Variants in LRRN3 observed in about 807,000 individuals in gnomAD.
The protein encoded by LRRN3 is leucine-rich repeat neuronal protein 3.
In LRRN3, 15 loss-of-function variants were observed where a neutral mutation model predicts 40.1. The ratio of observed to expected loss-of-function variants is 0.37; its 90% confidence interval spans 0.25 to 0.58. The LOEUF is 0.58. LRRN3 is among the 20% of genes least tolerant of loss of function. LRRN3 has a pLI of 0.72. For missense variants in LRRN3, 746 were observed against 837.7 expected, an observed-to-expected ratio of 0.89 and a Z score of 1.35; for synonymous variants, 308 against 297.2, an observed-to-expected ratio of 1.04 and a Z score of -0.37.
intron 2 of LRRN3, among the ~76,000 whole-genome samples, chr7:111,104,623 C>A (rs1052633676): frequency 6.6e-6 from 1 of 151,674 alleles, no homozygotes; most frequent in Non-Finnish European, 1.5e-5. Context: ...CCTATCTAGT[C>A]TTTTTGATTC....
In LRRN3 at chr7:111,125,219, T is replaced by G; in HGVS notation, c.*320T>G. On this transcript the variant is annotated 3_prime_UTR_variant, in exon 3 of 3. Coordinates refer to ENST00000308478, the MANE Select transcript of LRRN3 (RefSeq NM_001099658.2). Reference sequence around the variant, plus strand: ...CATTTCTGTATTTTTTTTAAGTAAATAAGAGTAGTTGAACTGAGCAATACC... The same window carrying G: ...CATTTCTGTATTTTTTTTAAGTAAAGAAGAGTAGTTGAACTGAGCAATACC... 1 of 236,820 alleles carries G rather than the reference T, an allele frequency of 4.2e-6. No individual in the cohort carries two copies. The highest frequency in any genetic ancestry group is 8.8e-6 in the Non-Finnish European group (1 of 113,176). The allele number at this position is 236,820 out of a possible 1,614,324, so 14.7% of individuals were successfully genotyped here.
At position 111,123,309 on chromosome 7, in the gene LRRN3, C is replaced by A. The variant is rs1039189238; in HGVS notation, c.537C>A (p.Ile179=). The part of the protein sequence containing the change: ...LHLNSNRLQM[I]NSKWFDALPN... ...TCAATTCAAATAGATTGCAGATGAT[C>A]AACAGTAAGTGGTTTGATGCTCTTC... The change falls in exon 3 of 3, where the codon ATC becomes ATA. Residue 179 remains isoleucine (I), a synonymous_variant. Transcript: ENST00000308478. The surrounding 1 kb of genome is among the most constrained non-coding windows in gnomAD (Gnocchi z 6.4). The A allele has an allele frequency of 1.7e-5, 28 of 1,613,614 alleles. No individual in the cohort carries two copies. The highest frequency in any genetic ancestry group is 2.3e-5 in the Non-Finnish European group (27 of 1,179,890).
At chr7:111,115,165 T>C (rs1799726083) in intron 2 of LRRN3, among the ~76,000 whole-genome samples, 1 of 152,096 alleles carries the variant, frequency 6.6e-6, no homozygotes, top group African/African-American at 2.4e-5. Flanking sequence ...AAAAGGCAAA[T>C]CAGGCAATCA....
chr7:111,112,858 A>ACCCCC (rs1364322007), intron 2 of LRRN3, among the ~76,000 whole-genome samples: 3 of 152,170 alleles, frequency 2.0e-5, no homozygotes, highest in Non-Finnish European at 2.9e-5. Flanking sequence ...ACCCCAGCAC[A>ACCCCC]CCCGAAAATG....
intron 2 of LRRN3, among the ~76,000 whole-genome samples, chr7:111,116,735 T>G (rs1161758003): frequency 6.6e-6 from 1 of 152,184 alleles, no homozygotes; most frequent in African/African-American, 2.4e-5. Flanking sequence ...CCTTATAATT[T>G]CATCTGAGTG....
At chr7:111,104,265 T>C (rs956599659) in intron 2 of LRRN3, among the ~76,000 whole-genome samples, 1 of 151,716 alleles carries the variant, frequency 6.6e-6, no homozygotes, top group Non-Finnish European at 1.5e-5. Flanking sequence ...AGTCATATGA[T>C]TTTCCTTCTC....
At chr7:111,096,438 T>G (rs141112682) in intron 1 of LRRN3, among the ~76,000 whole-genome samples, 2 of 151,696 alleles carry the variant, frequency 1.3e-5, no homozygotes, top group Non-Finnish European at 2.9e-5. Flanking sequence ...TATATCTGGA[T>G]AGATTCTTGC....
chr7:111,111,472 C>T (rs1178076382), intron 2 of LRRN3, among the ~76,000 whole-genome samples: 2 of 150,586 alleles, frequency 1.3e-5, no homozygotes, highest in Non-Finnish European at 3.0e-5. Context: ...CCTCTCTATT[C>T]AACACATAAG....
At chr7:111,119,264 A>T (rs1217714954) in intron 2 of LRRN3, among the ~76,000 whole-genome samples, 3 of 152,190 alleles carry the variant, frequency 2.0e-5, no homozygotes, top group Non-Finnish European at 4.4e-5. Flanking sequence ...CAGGGGCAAT[A>T]GATTTCTATT....
intron 2 of LRRN3, among the ~76,000 whole-genome samples, chr7:111,119,320 C>T (rs994797647): frequency 6.6e-5 from 10 of 152,120 alleles, no homozygotes; most frequent in African/African-American, 1.9e-4. Flanking sequence ...AGCATGCATA[C>T]GGAATTGTAA....
At chr7:111,117,448 C>T (rs147402071) in intron 2 of LRRN3, among the ~76,000 whole-genome samples, 180 of 152,110 alleles carry the variant, frequency 1.2e-3, no homozygotes, top group Non-Finnish European at 2.2e-3. Context: ...AATTTTCTTT[C>T]GGTGTATCAA....
In LRRN3 at chr7:111,124,957, C is replaced by T. The variant is rs111690273; in HGVS notation, c.*58C>T. 2.7e-5 allele frequency: 32 copies of T among 1,167,982 alleles called. No homozygotes were observed. Among genetic ancestry groups the T allele is most frequent in the African/African-American group, 2.0e-4 (13 of 63,436 alleles). 72.4% of individuals were successfully genotyped at this position (1,167,982 alleles called of 1,614,324 possible). On this transcript the variant is annotated 3_prime_UTR_variant, in exon 3 of 3. Coordinates refer to ENST00000308478, the MANE Select transcript of LRRN3 (RefSeq NM_001099658.2). ...CAAAAAAAAAAAAAGCGAAAGACTGCAGTTGTGCTAAAAACAAAACAAAAC... is the reference window on the plus strand; with the variant it reads ...CAAAAAAAAAAAAAGCGAAAGACTGTAGTTGTGCTAAAAACAAAACAAAAC...
chr7:111,103,481 A>C (rs372790740), intron 2 of LRRN3, among the ~76,000 whole-genome samples: 1 of 151,682 alleles, frequency 6.6e-6, no homozygotes, highest in Admixed American at 6.6e-5. Context: ...AGCGTGATAC[A>C]TTTTTAGAAT....
At chr7:111,110,388 C>T (rs1799062852) in intron 2 of LRRN3, among the ~76,000 whole-genome samples, 1 of 152,076 alleles carries the variant, frequency 6.6e-6, no homozygotes, top group Non-Finnish European at 1.5e-5. Context: ...TTTAGAATAG[C>T]TTTTATTCAC....
chr7:111,115,369 T>C (rs1229567676), intron 2 of LRRN3, among the ~76,000 whole-genome samples: 2 of 152,176 alleles, frequency 1.3e-5, no homozygotes, highest in African/African-American at 2.4e-5. Context: ...ATTAATGAAG[T>C]GCTCAGTTGA....
chr7:111,108,891 T>C (rs1025783749), intron 2 of LRRN3, among the ~76,000 whole-genome samples: 1 of 152,138 alleles, frequency 6.6e-6, no homozygotes, highest in African/African-American at 2.4e-5. Flanking sequence ...ATTCATTCAG[T>C]AGATATTTAT....
Position 111,124,202 on chromosome 7 carries a change from C to T in LRRN3, c.1430C>T (p.Ser477Phe), listed in dbSNP as rs920563075. 1.4e-5 allele frequency: 23 copies of T among 1,613,776 alleles called. No individual in the cohort carries two copies. Among genetic ancestry groups the T allele is most frequent in the Non-Finnish European group, 1.9e-5 (23 of 1,179,922 alleles). Residue 477 changes from serine (S) to phenylalanine (F), a missense_variant, in exon 3 of 3, where the codon TCT becomes TTT. Ser to Phe is a radical substitution (Grantham distance 155). Coordinates refer to ENST00000308478, the MANE Select transcript of LRRN3 (RefSeq NM_001099658.2). ...NTLTDKFYVH[S>F]EGTLDINGVT... ...CTGACAGACAAGTTCTATGTCCATT[C>T]TGAGGGAACACTAGATATAAATGGC...
chr7:111,100,984 T>A (rs1797909087), intron 2 of LRRN3, among the ~76,000 whole-genome samples: 1 of 151,572 alleles, frequency 6.6e-6, no homozygotes, highest in African/African-American at 2.4e-5. Flanking sequence ...TGAACATTTA[T>A]AAGTTTAAAA....
Position 111,123,924 on chromosome 7 carries a change from C to G in LRRN3, c.1152C>G (p.Thr384=). The part of the protein sequence containing the change: ...CVIRWMNMNK[T]NIRFMEPDSL... ...TCCGTTGGATGAACATGAACAAAAC[C>G]AACATTCGATTCATGGAGCCAGATT... Residue 384 remains threonine, a synonymous_variant, in exon 3 of 3, where the codon ACC becomes ACG. Coordinates refer to ENST00000308478, the MANE Select transcript of LRRN3 (RefSeq NM_001099658.2). The surrounding 1 kb of genome is among the most constrained non-coding windows in gnomAD (Gnocchi z 6.4). 6.2e-7 allele frequency: 1 copy of G among 1,613,948 alleles called. No individual in the cohort carries two copies. Among genetic ancestry groups the G allele is most frequent in the South Asian group, 1.1e-5 (1 of 91,080 alleles).
Sources: gnomAD v4.1 joint callset for allele counts (sites outside exome capture counted in the v4.1 genomes callset) on GRCh38, gnomAD v4.1.1 for gene constraint, Gnocchi (gnomAD v3.1) non-coding constraint, MANE v1.5 for transcripts, NCBI Gene and HGNC (gene_info 2026-07-23, HGNC 2026-07-21) for gene names.